Variants in WDR37 observed in about 807,000 individuals in gnomAD.
The protein encoded by WDR37 is WD repeat domain 37.
A neutral mutation model predicts 62.9 loss-of-function variants in WDR37; 19 were observed. The observed-to-expected ratio is 0.30, with a 90% CI of 0.21 to 0.44. WDR37 has a LOEUF of 0.44. Among genes scored for constraint, WDR37 ranks in the 20% least tolerant of loss-of-function variants. The probability of loss-of-function intolerance (pLI) is 1.00; values close to 1 mark genes in which losing one functional copy is unlikely to be tolerated. For missense variants in WDR37, 474 were observed against 657.6 expected (o/e 0.72, Z 3.05); for synonymous variants, 250 against 260.9 (o/e 0.96, Z 0.40).
At chr10:1,077,566 A>G (rs1833917147) in intron 2 of WDR37, among the ~76,000 whole-genome samples, 1 of 152,128 alleles carries the variant, frequency 6.6e-6, no homozygotes, top group Non-Finnish European at 1.5e-5. Context: ...GGCTGTTTAT[A>G]ATAGTTCATT....
At chr10:1,115,963 T>C (rs139013157) in intron 11 of WDR37, among the ~76,000 whole-genome samples, 28 of 152,288 alleles carry the variant, frequency 1.8e-4, no homozygotes, top group South Asian at 1.4e-3. Context: ...GCCTGAAAGC[T>C]TGGTGGTTGT....
chr10:1,099,178 A>G (rs771350410), intron 9 of WDR37, among the ~76,000 whole-genome samples: 1 of 152,218 alleles, frequency 6.6e-6, no homozygotes, highest in Non-Finnish European at 1.5e-5. Context: ...CCAGTGCCCT[A>G]TGTTTATGAT....
intron 9 of WDR37, among the ~76,000 whole-genome samples, chr10:1,102,706 G>A (rs180878813): frequency 1.8e-4 from 27 of 152,266 alleles, no homozygotes; most frequent in African/African-American, 6.0e-4. Flanking sequence ...CACCAGGCCC[G>A]GCCTCCAACA....
intron 11 of WDR37, among the ~76,000 whole-genome samples, chr10:1,106,369 G>A (rs1001152722): frequency 2.6e-4 from 40 of 152,110 alleles, no homozygotes; most frequent in African/African-American, 4.8e-4. Context: ...CCACCCCGAC[G>A]TCTGGATAAG....
Position 1,120,129 on chromosome 10 carries a change from C to T in WDR37, c.1104-4089C>T, listed in dbSNP as rs549598259. 7.2e-5 allele frequency among the ~76,000 whole-genome samples: 11 copies of T among 152,280 alleles called. No individual in the cohort carries two copies. In the East Asian group the frequency reaches 7.7e-4, roughly 11 times the overall value. The stretch of plus-strand genomic sequence containing the variant: ...CGTTTCTTGGTCAGTCCTCTGAGTT[C>T]GTCAAATGAATGCTTGTGTGAGTTC... On this transcript the variant is annotated intron_variant, in intron 11 of 13. Transcript: ENST00000263150.
rs544522284 is a variant in WDR37 at position 1,078,413 on chromosome 10, G to A, written c.235+410G>A. Among the ~76,000 whole-genome samples the A allele has an allele frequency of 1.3e-3, 197 of 151,644 alleles. No homozygotes were observed. The Middle Eastern group carries it at 0.014, about 10-fold the overall frequency. ...TTTAATTTATCTTTTTTTTATTTTG[G>A]AAGTAATGGCCATATGTGCTTAAAA... On this transcript the variant is annotated intron_variant, in intron 3 of 13. Coordinates refer to ENST00000263150, the MANE Select transcript of WDR37 (RefSeq NM_014023.4).
At chr10:1,122,558 G>A (rs550767759) in intron 11 of WDR37, among the ~76,000 whole-genome samples, 17 of 152,332 alleles carry the variant, frequency 1.1e-4, no homozygotes, top group African/African-American at 2.9e-4. Flanking sequence ...GGCAGGACGC[G>A]CAGCCCCCTG....
chr10:1,064,749 C>T (rs1209206436), intron 1 of WDR37, among the ~76,000 whole-genome samples: 7 of 152,042 alleles, frequency 4.6e-5, no homozygotes, highest in Non-Finnish European at 8.8e-5. Context: ...TGCCACATCA[C>T]GCCTGGCTAG....
chr10:1,127,947 T>C (rs1271880550), intron 13 of WDR37, among the ~76,000 whole-genome samples: 7 of 152,254 alleles, frequency 4.6e-5, no homozygotes, highest in Admixed American at 4.6e-4. Context: ...TCTTTGGCAC[T>C]TCTGCAGCGA....
intron 11 of WDR37, among the ~76,000 whole-genome samples, chr10:1,111,893 TTC>T (rs200224259): frequency 6.7e-6 from 1 of 148,534 alleles, no homozygotes; most frequent in Non-Finnish European, 1.5e-5. Context: ...TGGTGGCTAT[TTC>T]TCTCTCTCTC....
At chr10:1,091,691 G>A (rs940338726) in intron 7 of WDR37, among the ~76,000 whole-genome samples, 2 of 152,164 alleles carry the variant, frequency 1.3e-5, no homozygotes, top group Admixed American at 6.5e-5. Flanking sequence ...AATTCCTGTC[G>A]TTTGCTTTGG....
chr10:1,069,202 A>G (rs540841426), intron 1 of WDR37, among the ~76,000 whole-genome samples: 107 of 152,064 alleles, frequency 7.0e-4, no homozygotes, highest in Non-Finnish European at 1.3e-3. Context: ...ATGGTGTGTG[A>G]ATCGTATATC....
rs148754757 is a variant in WDR37 at position 1,124,284 on chromosome 10, G to C, written c.1170G>C (p.Val390=). 6.2e-7 allele frequency: 1 copy of C among 1,614,214 alleles called. No homozygotes were observed. The highest frequency in any genetic ancestry group is 1.1e-5 in the South Asian group (1 of 91,086). ...NVVSGSDDRT[V]KVWDLKNMRS... is the part of the protein sequence containing the mutation. ...TTTCAGGCAGCGATGACCGCACGGT[G>C]AAAGTCTGGGACTTGAAAAATATGA... Residue 390 remains valine (V), a synonymous_variant, in exon 12 of 14, where the codon GTG becomes GTC. Coordinates refer to ENST00000263150, the MANE Select transcript of WDR37 (RefSeq NM_014023.4).
Position 1,064,232 on chromosome 10 carries a change from C to T in WDR37, c.-41+7264C>T, listed in dbSNP as rs188199391. Among the ~76,000 whole-genome samples, 171 of 152,098 alleles carry T rather than the reference C, an allele frequency of 1.1e-3. 3 individuals carry two copies. Among genetic ancestry groups the T allele is most frequent in the South Asian group, 3.3e-3 (16 of 4,814 alleles). ...AGAAGCTGTCAATTTGAAGATAGAA[C>T]AATAGAAGTTACCCAATCTGAACAG... is the stretch of plus-strand genomic sequence containing the variant. On this transcript the variant is annotated intron_variant, in intron 1 of 13. Coordinates refer to ENST00000263150, the MANE Select transcript of WDR37 (RefSeq NM_014023.4).
intron 7 of WDR37, among the ~76,000 whole-genome samples, chr10:1,089,991 G>A (rs748005654): frequency 7.8e-4 from 119 of 152,166 alleles, no homozygotes; most frequent in Non-Finnish European, 1.4e-3. Context: ...TTTTGAGACG[G>A]AGTCTCACTA....
chr10:1,108,382 C>T (rs1835088693), intron 11 of WDR37, among the ~76,000 whole-genome samples: 2 of 152,082 alleles, frequency 1.3e-5, no homozygotes, highest in African/African-American at 2.4e-5. Flanking sequence ...GCAGAACGCC[C>T]CTCATTCTGC....
Position 1,121,832 on chromosome 10 carries a change from T to C in WDR37, c.1104-2386T>C, listed in dbSNP as rs1343088603. ...GGCACCACGACCAGGCCTTTGAGAA[T>C]GCAGACGTGAAAACGGTCGCCGCCG... On this transcript the variant is annotated intron_variant, in intron 11 of 13. Coordinates refer to ENST00000263150, the MANE Select transcript of WDR37 (RefSeq NM_014023.4). This position sits in a 1 kb window ranked among gnomAD's most constrained non-coding sequence, Gnocchi z 4.5. 1.3e-5 allele frequency among the ~76,000 whole-genome samples: 2 copies of C among 151,626 alleles called. No homozygotes were observed. The highest frequency in any genetic ancestry group is 2.9e-5 in the Non-Finnish European group (2 of 67,978).
At chr10:1,069,178 A>G (rs1397238498) in intron 1 of WDR37, among the ~76,000 whole-genome samples, 1 of 151,914 alleles carries the variant, frequency 6.6e-6, no homozygotes, top group African/African-American at 2.4e-5. Flanking sequence ...GTGCACTTTA[A>G]ATAGGTGTCT....
intron 5 of WDR37, among the ~76,000 whole-genome samples, chr10:1,083,548 T>A (rs1834096440): frequency 6.6e-6 from 1 of 152,262 alleles, no homozygotes; most frequent in African/African-American, 2.4e-5. Flanking sequence ...TACATTATTC[T>A]GATTTACTTA....
Sources: allele counts gnomAD v4.1 joint callset (sites outside exome capture counted in the v4.1 genomes callset), GRCh38; gene constraint gnomAD v4.1.1; non-coding constraint Gnocchi (gnomAD v3.1); transcripts MANE v1.5; gene names NCBI Gene and HGNC (gene_info 2026-07-23, HGNC 2026-07-21).